The following LOC128462377 variants were observed in gnomAD, a reference collection of about 807,000 sequenced individuals.
chr16:89,413,628 GA>G, the LOC128462377 span, among the ~76,000 whole-genome samples: 2 of 151,862 alleles, frequency 1.3e-5, no homozygotes, highest in East Asian at 3.9e-4. Context: ...CTCAAAAAAA[GA>G]AAAAAATAAA....
chr16:89,361,029 C>G, the LOC128462377 span, among the ~76,000 whole-genome samples: 1 of 152,218 alleles, frequency 6.6e-6, no homozygotes, highest in Non-Finnish European at 1.5e-5. Context: ...GACTCCAAAC[C>G]TGGGCAGCCC....
chr16:89,389,471 A>G, the LOC128462377 span, among the ~76,000 whole-genome samples: 1 of 152,342 alleles, frequency 6.6e-6, no homozygotes, highest in East Asian at 1.9e-4. Flanking sequence ...AGGCAAAATT[A>G]GTAGATGGAG....
chr16:89,371,325 G>A, the LOC128462377 span, among the ~76,000 whole-genome samples: 1 of 152,332 alleles, frequency 6.6e-6, no homozygotes, highest in African/African-American at 2.4e-5. Flanking sequence ...GAATAAGAAA[G>A]AGATGACAGA....
the LOC128462377 span, among the ~76,000 whole-genome samples, chr16:89,322,214 C>T: frequency 6.6e-6 from 1 of 152,178 alleles, no homozygotes; most frequent in African/African-American, 2.4e-5. Flanking sequence ...AAACACCAAG[C>T]CCCCTTACAC....
the LOC128462377 span, among the ~76,000 whole-genome samples, chr16:89,410,508 C>T: frequency 8.3e-4 from 127 of 152,220 alleles, no homozygotes; most frequent in African/African-American, 2.9e-3. Context: ...CACGCAGAGC[C>T]ACGGAAGGGA....
the LOC128462377 span, chr16:89,361,467 A>T: frequency 1.3e-5 from 2 of 152,294 alleles, no homozygotes; most frequent in Non-Finnish European, 2.9e-5. Flanking sequence ...GGTTTGTGCC[A>T]GTCCACCTGT....
At chr16:89,341,260 T>C in the LOC128462377 span, among the ~76,000 whole-genome samples, 5 of 152,302 alleles carry the variant, frequency 3.3e-5, no homozygotes, top group Admixed American at 3.3e-4. Context: ...TTGGAAACAA[T>C]GCTGTGGGTC....
the LOC128462377 span, among the ~76,000 whole-genome samples, chr16:89,346,087 CA>C: frequency 6.0e-4 from 85 of 142,062 alleles, no homozygotes; most frequent in East Asian, 6.1e-4. Context: ...ACTAACAACA[CA>C]AAAAAAAAAA....
the LOC128462377 span, among the ~76,000 whole-genome samples, chr16:89,359,470 G>A: frequency 1.3e-5 from 2 of 152,118 alleles, no homozygotes; most frequent in East Asian, 1.9e-4. Flanking sequence ...GCAGCCCCTC[G>A]GCCCCCACTG....
At chr16:89,377,461 C>T in the LOC128462377 span, among the ~76,000 whole-genome samples, 2 of 143,924 alleles carry the variant, frequency 1.4e-5, no homozygotes, top group African/African-American at 5.2e-5. Flanking sequence ...GAAGAGACTG[C>T]GGACATGTGG....
At chr16:89,362,250 T>C in the LOC128462377 span, among the ~76,000 whole-genome samples, 1 of 152,218 alleles carries the variant, frequency 6.6e-6, no homozygotes, top group Non-Finnish European at 1.5e-5. Context: ...GCACATATGC[T>C]TTTCGGGATC....
chr16:89,342,611 T>C, the LOC128462377 span, among the ~76,000 whole-genome samples: 4 of 152,208 alleles, frequency 2.6e-5, no homozygotes, highest in African/African-American at 9.7e-5. Flanking sequence ...TGAGGCATTA[T>C]ATGGAAAACT....
At chr16:89,352,183 C>A in the LOC128462377 span, among the ~76,000 whole-genome samples, 1 of 152,108 alleles carries the variant, frequency 6.6e-6, no homozygotes, top group Non-Finnish European at 1.5e-5. Context: ...AGCCATTGCA[C>A]CTGGCCGATT....
chr16:89,386,945 A>G, the LOC128462377 span, among the ~76,000 whole-genome samples: 1 of 151,790 alleles, frequency 6.6e-6, no homozygotes, highest in African/African-American at 2.4e-5. Context: ...AAGGGCATGA[A>G]GGGCTTGGCA....
At chr16:89,406,399 C>T in the LOC128462377 span, among the ~76,000 whole-genome samples, 1 of 152,166 alleles carries the variant, frequency 6.6e-6, no homozygotes, top group Admixed American at 6.5e-5. Context: ...CACCAGCCGG[C>T]GCGCTCTGAG....
the LOC128462377 span, among the ~76,000 whole-genome samples, chr16:89,368,415 G>T: frequency 9.3e-6 from 1 of 107,432 alleles, no homozygotes; most frequent in Non-Finnish European, 1.8e-5. Context: ...TAGAGATGGG[G>T]TTTCACCATC....
the LOC128462377 span, among the ~76,000 whole-genome samples, chr16:89,374,715 G>A: frequency 0.51 from 76,963 of 151,940 alleles, 20,402 homozygotes; most frequent in Middle Eastern, 0.69. Flanking sequence ...CTCAGGTAAG[G>A]ACCAGAAAAA....
the LOC128462377 span, among the ~76,000 whole-genome samples, chr16:89,334,144 TAAA>T: frequency 3.0e-3 from 123 of 41,414 alleles, 5 homozygotes; most frequent in African/African-American, 0.011. Flanking sequence ...CCCTGTGTTT[TAAA>T]AAAAAAAAAA....
chr16:89,331,879 G>A, the LOC128462377 span, among the ~76,000 whole-genome samples: 3 of 151,726 alleles, frequency 2.0e-5, no homozygotes, highest in Non-Finnish European at 4.4e-5. Flanking sequence ...GTTTGGTTCC[G>A]GGTTAACGGG....
Sources: allele counts gnomAD v4.1 joint callset (sites outside exome capture counted in the v4.1 genomes callset), GRCh38; gene constraint gnomAD v4.1.1; transcripts MANE v1.5.